The following ADK variants were observed in gnomAD, a reference collection of about 807,000 sequenced individuals.
ADK encodes the protein adenosine kinase.
In ADK, 24 loss-of-function variants were observed where a neutral mutation model predicts 44.7. The ratio of observed to expected loss-of-function variants is 0.54; its 90% CI spans 0.39 to 0.76. The LOEUF is 0.76. Ranked by LOEUF, ADK falls within the 30% of genes least tolerant of loss-of-function variation. ADK has a pLI of 0.00. For missense variants in ADK, 321 were observed against 425.1 expected (o/e 0.76, Z 2.15); for synonymous variants, 128 against 142.6 (o/e 0.90, Z 0.73).
intron 3 of ADK, among the ~76,000 whole-genome samples, chr10:74,233,271 A>G (rs1194041158): frequency 6.6e-6 from 1 of 152,178 alleles, no homozygotes; most frequent in Admixed American, 6.5e-5. Context: ...CTGCCTTTTG[A>G]TGTAGGTTAA....
intron 9 of ADK, among the ~76,000 whole-genome samples, chr10:74,602,602 T>C (rs1277768236): frequency 1.3e-5 from 2 of 152,196 alleles, no homozygotes. Flanking sequence ...TTAGGAATGC[T>C]TACAAGCTGG....
At chr10:74,439,080 G>A (rs940986732) in intron 6 of ADK, among the ~76,000 whole-genome samples, 1 of 152,128 alleles carries the variant, frequency 6.6e-6, no homozygotes, top group Non-Finnish European at 1.5e-5. Flanking sequence ...AAGCAATTCT[G>A]TGTGTACTAA....
intron 7 of ADK, among the ~76,000 whole-genome samples, chr10:74,557,562 T>C (rs949525475): frequency 2.0e-5 from 3 of 152,220 alleles, no homozygotes; most frequent in South Asian, 4.1e-4. Context: ...TTTTAAAATA[T>C]GTCCTTCTAG....
chr10:74,613,025 C>T (rs1589297683), intron 9 of ADK, among the ~76,000 whole-genome samples: 1 of 152,186 alleles, frequency 6.6e-6, no homozygotes, highest in East Asian at 1.9e-4. Flanking sequence ...ATTTTGGTTA[C>T]TATACCCTAG....
At chr10:74,407,589 C>T (rs1463376708) in intron 6 of ADK, among the ~76,000 whole-genome samples, 1 of 152,022 alleles carries the variant, frequency 6.6e-6, no homozygotes, top group African/African-American at 2.4e-5. Flanking sequence ...CAAAGGAATC[C>T]CTTGCATATC....
intron 6 of ADK, among the ~76,000 whole-genome samples, chr10:74,422,312 A>G (rs2133034788): frequency 6.6e-6 from 1 of 152,338 alleles, no homozygotes; most frequent in East Asian, 1.9e-4. Context: ...GAAAACTGTC[A>G]AGGTTGTGAA....
chr10:74,162,697 A>G (rs1841940699), intron 1 of ADK, among the ~76,000 whole-genome samples: 1 of 151,312 alleles, frequency 6.6e-6, no homozygotes. Context: ...GTCATGCACC[A>G]CTGTGCCCAG....
At chr10:74,342,817 T>TG (rs1564664123) in intron 4 of ADK, among the ~76,000 whole-genome samples, 11 of 98,366 alleles carry the variant, frequency 1.1e-4, no homozygotes, top group African/African-American at 2.8e-4. Flanking sequence ...GTGTGTGTGT[T>TG]TTAATATTGA....
intron 9 of ADK, among the ~76,000 whole-genome samples, chr10:74,630,983 T>G (rs1349499277): frequency 6.6e-6 from 1 of 152,142 alleles, no homozygotes; most frequent in East Asian, 1.9e-4. Flanking sequence ...TCACTATTTA[T>G]TGTGTTTCTC....
chr10:74,386,114 A>G (rs1843132501), intron 4 of ADK, among the ~76,000 whole-genome samples: 1 of 152,116 alleles, frequency 6.6e-6, no homozygotes, highest in South Asian at 2.1e-4. Flanking sequence ...AAGTTATGTG[A>G]TATATGCTAT....
intron 4 of ADK, among the ~76,000 whole-genome samples, chr10:74,320,824 A>T (rs562223238): frequency 2.0e-5 from 3 of 152,216 alleles, no homozygotes; most frequent in Non-Finnish European, 4.4e-5. Context: ...AGTGTTTCAC[A>T]TGCTTTCTTC....
At chr10:74,509,769 G>C (rs182717228) in intron 6 of ADK, among the ~76,000 whole-genome samples, 1 of 151,824 alleles carries the variant, frequency 6.6e-6, no homozygotes, top group Non-Finnish European at 1.5e-5. Context: ...AATATCCTCT[G>C]TTCTACCTTT....
intron 4 of ADK, among the ~76,000 whole-genome samples, chr10:74,315,522 A>G (rs942362998): frequency 1.1e-4 from 17 of 152,314 alleles, no homozygotes; most frequent in African/African-American, 3.8e-4. Context: ...TTTGAAAGAT[A>G]TGAACAAGTT....
chr10:74,380,645 CT>C (rs1842952224), intron 4 of ADK, among the ~76,000 whole-genome samples: 1 of 152,018 alleles, frequency 6.6e-6, no homozygotes. Flanking sequence ...GTAGTCCCAG[CT>C]ACTTGGGAGG....
intron 7 of ADK, among the ~76,000 whole-genome samples, chr10:74,532,865 A>C: frequency 7.1e-6 from 1 of 141,714 alleles, no homozygotes; most frequent in East Asian, 2.1e-4. Flanking sequence ...GGTTGCGATG[A>C]GCCGAGATCA....
chr10:74,572,560 A>G (rs958635658), intron 7 of ADK, among the ~76,000 whole-genome samples: 3 of 152,150 alleles, frequency 2.0e-5, no homozygotes, highest in African/African-American at 7.2e-5. Context: ...GCCTTGCTAG[A>G]TTGGGGAAGT....
intron 7 of ADK, among the ~76,000 whole-genome samples, chr10:74,582,315 A>AT (rs1190170948): frequency 1.3e-5 from 2 of 152,048 alleles, no homozygotes; most frequent in African/African-American, 4.8e-5. Flanking sequence ...AATCTCAAAA[A>AT]AAAAATAAAA....
chr10:74,253,461 T>C (rs11000939), intron 3 of ADK, among the ~76,000 whole-genome samples: 111,838 of 151,896 alleles, frequency 0.74, 41,871 homozygotes, highest in Middle Eastern at 0.85. Flanking sequence ...TTCTGCCTAA[T>C]CATCTTTCAG....
At chr10:74,399,864 A>G (rs1439460965) in intron 6 of ADK, among the ~76,000 whole-genome samples, 1 of 152,126 alleles carries the variant, frequency 6.6e-6, no homozygotes, top group Non-Finnish European at 1.5e-5. Context: ...TAACTTGACA[A>G]TTACAGTCTT....
Sources: allele counts gnomAD v4.1 joint callset (sites outside exome capture counted in the v4.1 genomes callset), GRCh38; gene constraint gnomAD v4.1.1; transcripts MANE v1.5; gene names NCBI Gene and HGNC (gene_info 2026-07-23, HGNC 2026-07-21).